The following PDE3B variants were observed in gnomAD, a reference collection of about 807,000 sequenced individuals.
The protein encoded by PDE3B is cGMP-inhibited 3',5'-cyclic phosphodiesterase 3B.
In PDE3B, 66 loss-of-function variants were observed where a neutral mutation model predicts 116.8. The ratio of observed to expected loss-of-function variants is 0.56; its 90% CI spans 0.46 to 0.69. PDE3B has a LOEUF of 0.69. Ranked by LOEUF, PDE3B falls within the 30% of genes least tolerant of loss-of-function variation. PDE3B has a pLI of 0.00. For synonymous variants in PDE3B, 595 were observed against 533.6 expected (o/e 1.12, Z -1.59); for missense variants, 1,384 against 1,368.1 (o/e 1.01, Z -0.18).
intron 14 of PDE3B, among the ~76,000 whole-genome samples, chr11:14,865,012 AG>A (rs1229453771): frequency 2.6e-5 from 4 of 152,192 alleles, no homozygotes; most frequent in African/African-American, 9.7e-5. Context: ...AAGGAGATAG[AG>A]ACACAGAAAA....
rs756899427 is a variant in PDE3B at position 14,644,622 on chromosome 11, T to C, written c.547T>C (p.Ser183Pro). The C allele has an allele frequency of 3.3e-6, 5 of 1,527,204 alleles. No homozygotes were observed. Among genetic ancestry groups the C allele is most frequent in the Middle Eastern group, 1.7e-4 (1 of 5,828 alleles). The allele number at this position is 1,527,204 out of a possible 1,614,324, so 94.6% of individuals were successfully genotyped here. Residue 183 changes from serine to proline, a missense_variant, in exon 1 of 16, where the codon TCC becomes CCC. This residue lies in a region of PDE3B where 956 missense variants were observed against 806.8 expected (regional missense o/e 1.18). Coordinates refer to ENST00000282096, the MANE Select transcript of PDE3B (RefSeq NM_000922.4). ...SWPWGDGDAG[S>P]AAPHTPPEAA... ...GCCTTGGGGGGATGGCGACGCAGGG[T>C]CCGCGGCCCCGCACACGCCCCCGGA...
intron 1 of PDE3B, among the ~76,000 whole-genome samples, chr11:14,770,921 G>C (rs1254254564): frequency 6.6e-6 from 1 of 151,624 alleles, no homozygotes; most frequent in Non-Finnish European, 1.5e-5. Context: ...GACTGTTTTT[G>C]TATCACCTTT....
chr11:14,696,072 C>T (rs554822359), intron 1 of PDE3B, among the ~76,000 whole-genome samples: 16 of 152,170 alleles, frequency 1.1e-4, no homozygotes, highest in South Asian at 4.2e-4. Context: ...TAAATCTTGG[C>T]GGAATTGCCA....
intron 2 of PDE3B, among the ~76,000 whole-genome samples, chr11:14,785,359 A>G (rs1373290230): frequency 6.6e-6 from 1 of 152,086 alleles, no homozygotes; most frequent in Non-Finnish European, 1.5e-5. Flanking sequence ...GTGAAAACTA[A>G]TACATATTAA....
chr11:14,828,228 C>T (rs1836092837), intron 7 of PDE3B, among the ~76,000 whole-genome samples: 1 of 152,190 alleles, frequency 6.6e-6, no homozygotes, highest in Admixed American at 6.5e-5. Context: ...TGGAAGACAA[C>T]TGAGTCAATA....
the PDE3B span, among the ~76,000 whole-genome samples, chr11:14,884,341 C>G: frequency 4.6e-5 from 7 of 151,938 alleles, no homozygotes; most frequent in Non-Finnish European, 1.0e-4. Flanking sequence ...CCATGGAATA[C>G]TATGCAGCCA....
the PDE3B span, among the ~76,000 whole-genome samples, chr11:14,895,572 T>C: frequency 1.6e-4 from 24 of 147,500 alleles, no homozygotes; most frequent in Middle Eastern, 6.9e-3. Context: ...GTGTAGAAAC[T>C]GAATTCGTGC....
chr11:14,786,615 C>G lies in PDE3B; in HGVS notation c.1208C>G (p.Pro403Arg). The change falls in exon 3 of 16, where the codon CCA becomes CGA. Residue 403 changes from proline (P) to arginine (R), a missense_variant. Coordinates refer to ENST00000282096, the MANE Select transcript of PDE3B (RefSeq NM_000922.4). ...AGGCCAAAGATTAATCCTCTCACACCATTTCCTGGATTTTACCCCTGTTCT... is the reference window on the plus strand; with the variant it reads ...AGGCCAAAGATTAATCCTCTCACACGATTTCCTGGATTTTACCCCTGTTCT... ...SCRPKINPLTPFPGFYPCSEI... is the reference protein window; with the variant it reads ...SCRPKINPLTRFPGFYPCSEI... 1 of 1,612,386 alleles carries G rather than the reference C, an allele frequency of 6.2e-7. No homozygotes were observed.
chr11:14,686,914 C>T (rs7119320), intron 1 of PDE3B, among the ~76,000 whole-genome samples: 53,832 of 151,828 alleles, frequency 0.35, 10,923 homozygotes, highest in South Asian at 0.46. Context: ...GGTGTTTCAC[C>T]GTGTTAGCCA....
In PDE3B at chr11:14,843,889, C is replaced by T. The variant is rs1354424139; in HGVS notation, c.2383C>T (p.Pro795Ser). The T allele has an allele frequency of 1.1e-5, 17 of 1,613,960 alleles. No homozygotes were observed. Among genetic ancestry groups the T allele is most frequent in the Non-Finnish European group, 1.4e-5 (16 of 1,179,950 alleles). ...AYISSKSCSN[P>S]DESYGCLSSN... Reference sequence around the variant, plus strand: ...TATTTCTTCGAAGAGCTGCTCTAATCCTGATGAGAGTTATGGCTGCCTGTC... The same window carrying T: ...TATTTCTTCGAAGAGCTGCTCTAATTCTGATGAGAGTTATGGCTGCCTGTC... Residue 795 changes from proline to serine, a missense_variant, in exon 12 of 16, where the codon CCT becomes TCT. Pro to Ser is a moderately conservative substitution (Grantham distance 74). This residue lies in a region of PDE3B where 428 missense variants were observed against 561.4 expected (regional missense o/e 0.76). Coordinates refer to ENST00000282096, the MANE Select transcript of PDE3B (RefSeq NM_000922.4).
At chr11:14,780,909 A>G (rs917479938) in intron 2 of PDE3B, among the ~76,000 whole-genome samples, 15 of 152,170 alleles carry the variant, frequency 9.9e-5, no homozygotes, top group Admixed American at 9.2e-4. Context: ...CAAAATTGAT[A>G]GACTGCTAGC....
At chr11:14,754,844 T>G (rs1321392797) in intron 1 of PDE3B, among the ~76,000 whole-genome samples, 1 of 152,186 alleles carries the variant, frequency 6.6e-6, no homozygotes, top group Admixed American at 6.5e-5. Flanking sequence ...AGATTTGAAC[T>G]CTATAGGCTC....
chr11:14,688,115 C>G (rs1565092573), intron 1 of PDE3B, among the ~76,000 whole-genome samples: 1 of 51,064 alleles, frequency 2.0e-5, no homozygotes, highest in Non-Finnish European at 5.4e-5. Context: ...CTCTCTCTTT[C>G]TCTCTCTCTC....
chr11:14,815,720 G>A (rs527604335), intron 5 of PDE3B, among the ~76,000 whole-genome samples: 2 of 152,118 alleles, frequency 1.3e-5, no homozygotes, highest in African/African-American at 4.8e-5. Context: ...AACACCAGGG[G>A]GCAAGGGTTA....
At chr11:14,846,158 A>C (rs952710440) in intron 12 of PDE3B, among the ~76,000 whole-genome samples, 3 of 152,244 alleles carry the variant, frequency 2.0e-5, no homozygotes, top group African/African-American at 7.2e-5. Context: ...AAACTCTACA[A>C]GCCAGAAGAG....
intron 1 of PDE3B, among the ~76,000 whole-genome samples, chr11:14,662,602 G>A (rs1207383795): frequency 6.6e-6 from 1 of 152,184 alleles, no homozygotes; most frequent in Non-Finnish European, 1.5e-5. Flanking sequence ...CCAATACAGA[G>A]AAGTGCTTAA....
intron 2 of PDE3B, among the ~76,000 whole-genome samples, chr11:14,778,347 A>G (rs560284586): frequency 6.6e-6 from 1 of 152,310 alleles, no homozygotes; most frequent in African/African-American, 2.4e-5. Flanking sequence ...TTTGAGATCT[A>G]AGAATGGACA....
In PDE3B at chr11:14,644,153, T is replaced by A. The variant is rs1312234730; in HGVS notation, c.78T>A (p.Ser26Arg). 4.0e-5 allele frequency: 63 copies of A among 1,587,042 alleles called. 1 individual carries two copies. The Admixed American group carries it at 1.1e-3, about 27-fold the overall frequency. The change falls in exon 1 of 16, where the codon AGT (serine) becomes AGA (arginine). Residue 26 changes from serine to arginine, a missense_variant. Physicochemically the swap from Ser to Arg is moderately radical, Grantham distance 110. Around this residue, in one of 2 missense-constraint regions of PDE3B, gnomAD observed 956 missense variants for 806.8 expected, o/e 1.18. Coordinates refer to ENST00000282096, the MANE Select transcript of PDE3B (RefSeq NM_000922.4). ...ATGGGGCCGGCTCGCCCCCCGAGAGTCTGAGGAACGGCTACGTGAAGAGCT... is the reference window on the plus strand; with the variant it reads ...ATGGGGCCGGCTCGCCCCCCGAGAGACTGAGGAACGGCTACGTGAAGAGCT... Reference protein sequence around the residue: ...PPDGAGSPPESLRNGYVKSCV... With the variant: ...PPDGAGSPPERLRNGYVKSCV...
At chr11:14,817,425 T>TA (rs1859368417) in intron 5 of PDE3B, among the ~76,000 whole-genome samples, 1 of 151,960 alleles carries the variant, frequency 6.6e-6, no homozygotes, top group South Asian at 2.1e-4. Flanking sequence ...CCTTAGAACT[T>TA]AAAGTATAAT....
Sources: allele counts gnomAD v4.1 joint callset (sites outside exome capture counted in the v4.1 genomes callset), GRCh38; gene constraint gnomAD v4.1.1; regional missense constraint gnomAD v4.1.1; transcripts MANE v1.5; gene names NCBI Gene and HGNC (gene_info 2026-07-23, HGNC 2026-07-21).